Variants in SYT9 observed in about 807,000 individuals in gnomAD.
The protein encoded by SYT9 is synaptotagmin 9.
SYT9 carries 22 observed loss-of-function variants against 48.4 expected under a neutral mutation model. That is an observed-to-expected ratio of 0.45 (90% confidence interval 0.32 to 0.65). The LOEUF (loss-of-function observed/expected upper bound fraction) is 0.65. Ranked by LOEUF, SYT9 falls within the 30% of genes least tolerant of loss-of-function variation. The pLI is 0.03. For missense variants in SYT9, 577 were observed against 622.0 expected (o/e 0.93, Z 0.77); for synonymous variants, 265 against 245.0 (o/e 1.08, Z -0.76).
intron 3 of SYT9, among the ~76,000 whole-genome samples, chr11:7,378,498 A>T (rs1346622381): frequency 1.3e-5 from 2 of 152,072 alleles, no homozygotes; most frequent in South Asian, 4.1e-4. Flanking sequence ...TAGAATGAAC[A>T]TGACTTGGTG....
intron 3 of SYT9, among the ~76,000 whole-genome samples, chr11:7,326,812 C>A (rs1469484900): frequency 1.7e-4 from 21 of 121,256 alleles, no homozygotes; most frequent in African/African-American, 6.4e-4. Flanking sequence ...CAAAAACAAG[C>A]AATGGGGAAA....
At chr11:7,389,557 A>T (rs186127686) in intron 3 of SYT9, among the ~76,000 whole-genome samples, 1 of 152,290 alleles carries the variant, frequency 6.6e-6, no homozygotes, top group East Asian at 1.9e-4. Flanking sequence ...TTCAGTTATA[A>T]ATGCAATTAA....
chr11:7,355,169 T>C lies in SYT9; in HGVS notation c.1044+41228T>C, dbSNP rs558954077. ...CACCAGAAATCTGAAAAAGGCAGAA[T>C]GCTCTTTCCTGCTATCGGACTCCTA... is the stretch of plus-strand genomic sequence containing the variant. On this transcript the variant is annotated intron_variant, in intron 3 of 6. Coordinates refer to ENST00000318881, the MANE Select transcript of SYT9 (RefSeq NM_175733.4). 1.4e-4 allele frequency among the ~76,000 whole-genome samples: 22 copies of C among 152,336 alleles called. 1 individual carries two copies. The South Asian group carries it at 4.4e-3, about 30-fold the overall frequency.
intron 2 of SYT9, among the ~76,000 whole-genome samples, chr11:7,305,461 C>T (rs1849014044): frequency 6.6e-6 from 1 of 152,166 alleles, no homozygotes; most frequent in Non-Finnish European, 1.5e-5. Flanking sequence ...AGTACATGGT[C>T]TTCTAATTCT....
In SYT9 at chr11:7,252,394, C is replaced by G. The variant is rs1198870241; in HGVS notation, c.145+63C>G. 4.4e-6 allele frequency: 6 copies of G among 1,357,346 alleles called. No individual in the cohort carries two copies. Among genetic ancestry groups the G allele is most frequent in the Non-Finnish European group, 5.7e-6 (6 of 1,054,376 alleles). 84.1% of individuals were successfully genotyped at this position (1,357,346 alleles called of 1,614,324 possible). A position where few individuals can be genotyped will look rare whatever the true frequency, so the allele number is the denominator to read the frequency against. ...CCCTGGGCTGGGACTTGGGGCCGCACCGGGGCCTGAGGCAGAACAGCGACG... is the reference window on the plus strand; with the variant it reads ...CCCTGGGCTGGGACTTGGGGCCGCAGCGGGGCCTGAGGCAGAACAGCGACG... On this transcript the variant is annotated intron_variant, in intron 1 of 6. Coordinates refer to ENST00000318881, the MANE Select transcript of SYT9 (RefSeq NM_175733.4). This position sits in a 1 kb window ranked among gnomAD's most constrained non-coding sequence, Gnocchi z 6.3.
Position 7,467,904 on chromosome 11 carries a change from C to T in SYT9, c.*1104C>T, listed in dbSNP as rs1416990783. On this transcript the variant is annotated 3_prime_UTR_variant, in exon 7 of 7. Transcript: ENST00000318881. ...TACCTACAAGAGTGAAGGTCAAGGG[C>T]CCTCCCCAGGCATCTCATTCATTAC... 7 of 190,286 alleles carry T rather than the reference C, an allele frequency of 3.7e-5. No homozygotes were observed. Among genetic ancestry groups the T allele is most frequent in the South Asian group, 1.9e-4 (1 of 5,164 alleles). The allele number at this position is 190,286 out of a possible 1,614,324, so 11.8% of individuals were successfully genotyped here.
intron 1 of SYT9, among the ~76,000 whole-genome samples, chr11:7,240,047 G>A (rs1156722321): frequency 6.6e-6 from 1 of 152,148 alleles, no homozygotes; most frequent in African/African-American, 2.4e-5. Context: ...TAGCAAGGGA[G>A]GAATGCAGGT....
intron 1 of SYT9, among the ~76,000 whole-genome samples, chr11:7,289,765 GAAC>G (rs1282592409): frequency 6.6e-6 from 1 of 152,096 alleles, no homozygotes; most frequent in Non-Finnish European, 1.5e-5. Context: ...ATGATTTTTA[GAAC>G]AATTACTACA....
intron 3 of SYT9, among the ~76,000 whole-genome samples, chr11:7,314,807 T>A (rs16924779): frequency 0.045 from 6,783 of 152,346 alleles, 183 homozygotes; most frequent in African/African-American, 0.069. Context: ...GGATATGAGC[T>A]ATTCTGAGGC....
At chr11:7,363,209 A>G (rs1181241222) in intron 3 of SYT9, among the ~76,000 whole-genome samples, 2 of 152,030 alleles carry the variant, frequency 1.3e-5, no homozygotes, top group East Asian at 1.9e-4. Context: ...TCTTGCTGCT[A>G]CTACAGAATG....
intron 1 of SYT9, among the ~76,000 whole-genome samples, chr11:7,268,927 T>G (rs1331331498): frequency 1.3e-5 from 2 of 152,132 alleles, no homozygotes; most frequent in Non-Finnish European, 2.9e-5. Flanking sequence ...ACTTTCTGTC[T>G]CTATTAATGT....
intron 3 of SYT9, among the ~76,000 whole-genome samples, chr11:7,373,433 T>C (rs1267997575): frequency 6.6e-6 from 1 of 152,178 alleles, no homozygotes; most frequent in Non-Finnish European, 1.5e-5. Context: ...ATTGTTATAC[T>C]GGCATATGTC....
intron 2 of SYT9, among the ~76,000 whole-genome samples, chr11:7,309,856 G>A (rs1478533086): frequency 6.6e-6 from 1 of 152,078 alleles, no homozygotes; most frequent in East Asian, 1.9e-4. Flanking sequence ...CTTCTTCCGT[G>A]CCTCTCCCCG....
rs1265664813 is a variant in SYT9 at position 7,407,381 on chromosome 11, T to TACATGAGAAGCCATAGGTATCCAG, written c.1045-8661_1045-8660insACATGAGAAGCCATAGGTATCCAG. 1.3e-3 allele frequency among the ~76,000 whole-genome samples: 59 copies of TACATGAGAAGCCATAGGTATCCAG among 45,416 alleles called. 3 individuals carry two copies. The highest frequency in any genetic ancestry group is 3.8e-3 in the African/African-American group (9 of 2,352). The allele number at this position is 45,416 out of a possible 152,430, so 29.8% of individuals were successfully genotyped here. A position where few individuals can be genotyped will look rare whatever the true frequency, so the allele number is the denominator to read the frequency against. On this transcript the variant is annotated intron_variant, in intron 3 of 6. Transcript: ENST00000318881. ...TATAATTTTTTTTTTTTTTTTTTTT[T>TACATGAGAAGCCATAGGTATCCAG]TTTTTTTTTTGAGACGGAGTCTCGC...
chr11:7,403,982 A>G (rs1345698511), intron 3 of SYT9, among the ~76,000 whole-genome samples: 1 of 152,128 alleles, frequency 6.6e-6, no homozygotes, highest in Non-Finnish European at 1.5e-5. Context: ...GAATTTTTAT[A>G]CATTTTTAAT....
chr11:7,394,149 C>A (rs1477105520), intron 3 of SYT9, among the ~76,000 whole-genome samples: 1 of 143,610 alleles, frequency 7.0e-6, no homozygotes, highest in African/African-American at 2.6e-5. Flanking sequence ...GTGTGATGTT[C>A]CCCTTCCTGT....
chr11:7,281,086 C>G (rs983328838), intron 1 of SYT9, among the ~76,000 whole-genome samples: 2 of 152,196 alleles, frequency 1.3e-5, no homozygotes, highest in Admixed American at 1.3e-4. Context: ...GGCAGATTTT[C>G]TGAACTCACA....
intron 1 of SYT9, among the ~76,000 whole-genome samples, chr11:7,285,300 G>C (rs1021905757): frequency 1.3e-5 from 2 of 152,182 alleles, no homozygotes; most frequent in Non-Finnish European, 2.9e-5. Context: ...ATGGCAGAAA[G>C]GGAAGCAAAC....
chr11:7,462,992 T>A (rs1848261171), intron 6 of SYT9, among the ~76,000 whole-genome samples: 1 of 152,254 alleles, frequency 6.6e-6, no homozygotes, highest in African/African-American at 2.4e-5. Flanking sequence ...ATCTTTGGTT[T>A]CAATTCAATT....
Sources: allele counts gnomAD v4.1 joint callset (sites outside exome capture counted in the v4.1 genomes callset), GRCh38; gene constraint gnomAD v4.1.1; non-coding constraint Gnocchi (gnomAD v3.1); transcripts MANE v1.5; gene names NCBI Gene and HGNC (gene_info 2026-07-23, HGNC 2026-07-21).